MMEL1: variants seen among roughly 807,000 people sequenced by gnomAD.
The protein encoded by MMEL1 is membrane metallo-endopeptidase-like 1.
Under a neutral mutation model 117.1 loss-of-function variants are expected in MMEL1, and 98 were observed. The observed-to-expected ratio is 0.84, with a 90% CI of 0.71 to 0.99. The LOEUF (loss-of-function observed/expected upper bound fraction) is 0.99. MMEL1 is among the 50% of genes least tolerant of loss of function. The pLI is 0.00. For synonymous variants in MMEL1, 390 were observed against 415.1 expected (o/e 0.94, Z 0.74); for missense variants, 1,014 against 1,049.1 (o/e 0.97, Z 0.46).
At chr1:2,602,723 A>G (rs1161064892) in intron 11 of MMEL1, among the ~76,000 whole-genome samples, 2 of 151,578 alleles carry the variant, frequency 1.3e-5, no homozygotes, top group Non-Finnish European at 2.9e-5. Flanking sequence ...TTCCTACTCC[A>G]TCTCTCTCTA....
chr1:2,591,739 A>G, intron 22 of MMEL1, 106 bp from the exon 23 acceptor site: 2 of 1,115,886 alleles, frequency 1.8e-6, no homozygotes, highest in South Asian at 2.5e-5. Context: ...GGGTGGGGTG[A>G]GGGGAGTCAG....
At chr1:2,627,948 G>A (rs1174201520) in intron 2 of MMEL1, among the ~76,000 whole-genome samples, 1 of 152,214 alleles carries the variant, frequency 6.6e-6, no homozygotes, top group Non-Finnish European at 1.5e-5. Context: ...GCACTCCCGA[G>A]GCACCTGGCT....
intron 6 of MMEL1, 152 bp downstream of exon 6, chr1:2,609,187 G>T: frequency 1.3e-6 from 1 of 745,198 alleles, no homozygotes; most frequent in South Asian, 1.7e-5. Flanking sequence ...GCTGGGAGCG[G>T]GACACAGCAC....
chr1:2,628,721 G>C (rs965898040), intron 2 of MMEL1, among the ~76,000 whole-genome samples: 1 of 151,132 alleles, frequency 6.6e-6, no homozygotes, highest in African/African-American at 2.5e-5. Flanking sequence ...GGGGCGGGGG[G>C]AGTGTTCCCG....
rs1270071653 is a variant in MMEL1 at position 2,611,860 on chromosome 1, C to G, written c.232+267G>C. 3.3e-5 allele frequency among the ~76,000 whole-genome samples: 5 copies of G among 152,322 alleles called. No individual in the cohort carries two copies. The East Asian group carries it at 9.7e-4, about 29-fold the overall frequency. On this transcript the variant is annotated intron_variant, in intron 3 of 23. Coordinates refer to ENST00000378412, the MANE Select transcript of MMEL1 (RefSeq NM_033467.4). The stretch of plus-strand genomic sequence containing the variant: ...CCCTCTCTGCATGCCCTGCCCCGGC[C>G]TGCCCCACCCCTGTGCCAGCTGGTG...
chr1:2,605,980 C>T (rs549437444), intron 8 of MMEL1, among the ~76,000 whole-genome samples: 9 of 152,304 alleles, frequency 5.9e-5, no homozygotes, highest in South Asian at 4.1e-4. Flanking sequence ...CCTCCTGCCC[C>T]GGTTCCAGCC....
Position 2,629,481 on chromosome 1 carries a change from C to G in MMEL1, c.4G>C (p.Gly2Arg), listed in dbSNP as rs941110889. Residue 2 changes from glycine (G) to arginine (R), a missense_variant, in exon 2 of 24, where the codon GGG (glycine) becomes CGG (arginine). Physicochemically the swap from Gly to Arg is moderately radical, Grantham distance 125. Transcript: ENST00000378412. ...ATCCCCACTGGGCCTTCGGACTTCCCCATCAGCAGGGCTCTGGACGGGAGA... is the reference window on the plus strand; with the variant it reads ...ATCCCCACTGGGCCTTCGGACTTCCGCATCAGCAGGGCTCTGGACGGGAGA... M[G>R]KSEGPVGMVE... is the part of the protein sequence containing the mutation. 1 of 1,513,728 alleles carries G rather than the reference C, an allele frequency of 6.6e-7. No individual in the cohort carries two copies. Among genetic ancestry groups the G allele is most frequent in the Non-Finnish European group, 8.9e-7 (1 of 1,129,546 alleles). 93.8% of individuals were successfully genotyped at this position (1,513,728 alleles called of 1,614,324 possible).
chr1:2,592,738 G>A lies in MMEL1; in HGVS notation c.2002-18C>T. On this transcript the variant is annotated intron_variant, in intron 20 of 23. Coordinates refer to ENST00000378412, the MANE Select transcript of MMEL1 (RefSeq NM_033467.4). ...CCGTTCACCTGCGCACAGGAGACAG[G>A]ATTGGGGCAGCCCCGGCCCTGACTT... 2 of 1,611,588 alleles carry A rather than the reference G, an allele frequency of 1.2e-6. No homozygotes were observed. The highest frequency in any genetic ancestry group is 1.7e-6 in the Non-Finnish European group (2 of 1,178,974).
intron 2 of MMEL1, among the ~76,000 whole-genome samples, chr1:2,614,906 C>T (rs913629510): frequency 6.6e-6 from 1 of 151,514 alleles, no homozygotes; most frequent in African/African-American, 2.4e-5. Context: ...TGCTCCCCCC[C>T]AAAAAACTCA....
chr1:2,605,701 T>C lies in MMEL1; in HGVS notation c.751-78A>G. ...CTGGCTGAGGCAGGCTGCAGCCGCC[T>C]CCCCACAGGACTGTGCCCCGTGCAC... On this transcript the variant is annotated intron_variant, in intron 8 of 23. Coordinates refer to ENST00000378412, the MANE Select transcript of MMEL1 (RefSeq NM_033467.4). 3.7e-6 allele frequency: 4 copies of C among 1,088,082 alleles called. No homozygotes were observed. The South Asian group carries it at 5.2e-5, about 14-fold the overall frequency. 67.4% of individuals were successfully genotyped at this position (1,088,082 alleles called of 1,614,324 possible).
Position 2,590,873 on chromosome 1 carries a change from A to C in MMEL1, c.*117T>G, listed in dbSNP as rs1570633725. Reference sequence around the variant, plus strand: ...GGCCAGGCGCAGAGGCCTGGCAGGCAGGCTTGGCATGGTTGGCCGGGGCGG... The same window carrying C: ...GGCCAGGCGCAGAGGCCTGGCAGGCCGGCTTGGCATGGTTGGCCGGGGCGG... On this transcript the variant is annotated 3_prime_UTR_variant, in exon 24 of 24. Coordinates refer to ENST00000378412, the MANE Select transcript of MMEL1 (RefSeq NM_033467.4). 1.3e-6 allele frequency: 1 copy of C among 767,822 alleles called. No homozygotes were observed. The highest frequency in any genetic ancestry group is 1.8e-5 in the African/African-American group (1 of 54,824). The allele number at this position is 767,822 out of a possible 1,614,324, so 47.6% of individuals were successfully genotyped here. A position where few individuals can be genotyped will look rare whatever the true frequency, so the allele number is the denominator to read the frequency against.
At chr1:2,611,422 C>A in intron 3 of MMEL1, 82 bp from the exon 4 acceptor site, 1 of 446,126 alleles carries the variant, frequency 2.2e-6, no homozygotes, top group Non-Finnish European at 3.0e-6. Context: ...GGGGCAAGGT[C>A]TGGTGGGTGT....
At chr1:2,610,469 G>A (rs542122692) in intron 4 of MMEL1, among the ~76,000 whole-genome samples, 2 of 152,198 alleles carry the variant, frequency 1.3e-5, no homozygotes, top group Non-Finnish European at 2.9e-5. Flanking sequence ...CACAGGAGGT[G>A]CTCAGCTGGT....
intron 5 of MMEL1, 83 bp downstream of exon 5, chr1:2,609,587 C>A: frequency 1.3e-6 from 2 of 1,547,976 alleles, no homozygotes; most frequent in South Asian, 1.2e-5. Flanking sequence ...CAAACAGGGG[C>A]GAGACACAGC....
At position 2,629,475 on chromosome 1, in the gene MMEL1, A is replaced by G; in HGVS notation, c.10T>C (p.Ser4Pro). ...TCCACCATCCCCACTGGGCCTTCGG[A>G]CTTCCCCATCAGCAGGGCTCTGGAC... MGKSEGPVGMVESA... is the reference protein window; with the variant it reads MGKPEGPVGMVESA... The change falls in exon 2 of 24, where the codon TCC (serine) becomes CCC (proline). Residue 4 changes from serine (S) to proline (P), a missense_variant. By Grantham distance (74) the Ser-to-Pro change is moderately conservative (BLOSUM62 -1). Coordinates refer to ENST00000378412, the MANE Select transcript of MMEL1 (RefSeq NM_033467.4). 1 of 1,517,652 alleles carries G rather than the reference A, an allele frequency of 6.6e-7. No individual in the cohort carries two copies. Among genetic ancestry groups the G allele is most frequent in the Non-Finnish European group, 8.8e-7 (1 of 1,131,250 alleles). 94.0% of individuals were successfully genotyped at this position (1,517,652 alleles called of 1,614,324 possible).
At chr1:2,619,063 A>C (rs914750192) in intron 2 of MMEL1, among the ~76,000 whole-genome samples, 5 of 152,202 alleles carry the variant, frequency 3.3e-5, no homozygotes, top group Admixed American at 1.3e-4. Flanking sequence ...TGGGAATGAC[A>C]GGGTTCCAGT....
At chr1:2,611,104 A>C (rs1028135166) in intron 4 of MMEL1, among the ~76,000 whole-genome samples, 177 bp downstream of exon 4, 1 of 152,180 alleles carries the variant, frequency 6.6e-6, no homozygotes. Flanking sequence ...CGGACGCCAG[A>C]TGCCAGAAAC....
At position 2,612,319 on chromosome 1, in the gene MMEL1, A is replaced by G. The variant is rs1645143793; in HGVS notation, c.155-115T>C. The stretch of plus-strand genomic sequence containing the variant: ...CCACAGTGCTGGGTGCTGCAGCCCT[A>G]CCCCTGTAGTGAGGGCTGGTCCCCA... On this transcript the variant is annotated intron_variant, in intron 2 of 23. Transcript: ENST00000378412. This position sits in a 1 kb window ranked among gnomAD's most constrained non-coding sequence, Gnocchi z 5.4. 2.4e-6 allele frequency: 2 copies of G among 818,444 alleles called. No homozygotes were observed. Among genetic ancestry groups the G allele is most frequent in the Middle Eastern group, 2.7e-4 (1 of 3,666 alleles). The allele number at this position is 818,444 out of a possible 1,614,324, so 50.7% of individuals were successfully genotyped here.
Position 2,629,519 on chromosome 1 carries a change from A to C in MMEL1, c.-35T>G, listed in dbSNP as rs1638444806. ...TCTGGACGGGAGAGCACCGCGGAGG[A>C]ACCTGCAGGCCCAGGGCAGGGGAGA... is the stretch of plus-strand genomic sequence containing the variant. On this transcript the variant is annotated splice_region_variant and 5_prime_UTR_variant, in exon 2 of 24. Transcript: ENST00000378412. The C allele has an allele frequency of 3.5e-6, 5 of 1,437,918 alleles. No individual in the cohort carries two copies. The highest frequency in any genetic ancestry group is 4.6e-6 in the Non-Finnish European group (5 of 1,093,478). 89.1% of individuals were successfully genotyped at this position (1,437,918 alleles called of 1,614,324 possible). A position where few individuals can be genotyped will look rare whatever the true frequency, so the allele number is the denominator to read the frequency against.
Sources: gnomAD v4.1 joint callset for allele counts (sites outside exome capture counted in the v4.1 genomes callset) on GRCh38, gnomAD v4.1.1 for gene constraint, Gnocchi (gnomAD v3.1) non-coding constraint, MANE v1.5 for transcripts, NCBI Gene and HGNC (gene_info 2026-07-23, HGNC 2026-07-21) for gene names.